GDNF: variants seen among roughly 807,000 people sequenced by gnomAD.
GDNF encodes glial cell line-derived neurotrophic factor.
A neutral mutation model predicts 13.7 loss-of-function variants in GDNF; 5 were observed. The observed-to-expected ratio is 0.36, with a 90% CI of 0.19 to 0.77. The LOEUF (loss-of-function observed/expected upper bound fraction) is 0.77. Ranked by LOEUF, GDNF falls within the 30% of genes least tolerant of loss-of-function variation. The probability of loss-of-function intolerance (pLI) is 0.51; values close to 1 mark genes in which losing one functional copy is unlikely to be tolerated. For missense variants in GDNF, 246 were observed against 274.3 expected (o/e 0.90, Z 0.73); for synonymous variants, 122 against 112.5 (o/e 1.08, Z -0.53).
At position 37,826,833 on chromosome 5, in the gene GDNF, T is replaced by TA. The variant is rs537301525; in HGVS notation, c.151+7812dup. ...CCCTTTTCCAATCCCTCTTTATCCT[T>TA]ACTGAGAGACGGTGTGCTTCTCACC... On this transcript the variant is annotated intron_variant, in intron 2 of 2. Transcript: ENST00000326524. Among the ~76,000 whole-genome samples, 9 of 152,310 alleles carry TA rather than the reference T, an allele frequency of 5.9e-5. No homozygotes were observed. The East Asian group carries it at 1.7e-3, about 29-fold the overall frequency.
chr5:37,824,665 C>T (rs1750244701), intron 2 of GDNF: 1 of 152,328 alleles, frequency 6.6e-6, no homozygotes, highest in South Asian at 2.1e-4. Context: ...GCACTGAATG[C>T]TGATGCATCT....
chr5:37,818,800 C>T (rs1047172252), intron 2 of GDNF, among the ~76,000 whole-genome samples: 16 of 152,130 alleles, frequency 1.1e-4, no homozygotes, highest in African/African-American at 3.9e-4. Context: ...AAATGTCTCC[C>T]ACCCTGTGGC....
intron 2 of GDNF, among the ~76,000 whole-genome samples, chr5:37,825,446 C>T (rs947740454): frequency 1.3e-5 from 2 of 152,180 alleles, no homozygotes; most frequent in Non-Finnish European, 1.5e-5. Flanking sequence ...TTAGCTAATC[C>T]ATGAACACCT....
chr5:37,825,204 A>G (rs891224114), intron 2 of GDNF, among the ~76,000 whole-genome samples: 1 of 152,196 alleles, frequency 6.6e-6, no homozygotes, highest in Non-Finnish European at 1.5e-5. Context: ...ATGGACTGAA[A>G]ATTACTCCAT....
intron 2 of GDNF, among the ~76,000 whole-genome samples, chr5:37,823,767 T>C (rs1561130484): frequency 6.6e-6 from 1 of 152,226 alleles, no homozygotes; most frequent in East Asian, 1.9e-4. Flanking sequence ...CACTTAACCC[T>C]TCTGAGGTCA....
chr5:37,822,528 C>T (rs531548458), intron 2 of GDNF, among the ~76,000 whole-genome samples: 8 of 152,260 alleles, frequency 5.3e-5, no homozygotes, highest in South Asian at 4.1e-4. Context: ...GCTGCACCTG[C>T]GGCTGCCGAG....
At chr5:37,818,004 C>G (rs1749992963) in intron 2 of GDNF, among the ~76,000 whole-genome samples, 1 of 152,214 alleles carries the variant, frequency 6.6e-6, no homozygotes, top group Non-Finnish European at 1.5e-5. Context: ...CTCCTCCAGC[C>G]TTTATTACCT....
At chr5:37,835,447 G>C (rs1317133413) in intron 1 of GDNF, 1 of 1,445,314 alleles carries the variant, frequency 6.9e-7, no homozygotes, top group Non-Finnish European at 9.1e-7. Context: ...ATTCTGTTGC[G>C]AGAGCAAGAA....
At chr5:37,835,921 C>G in intron 1 of GDNF, 1 of 546,470 alleles carries the variant, frequency 1.8e-6, no homozygotes, top group Non-Finnish European at 3.3e-6. Context: ...TTTGGCTTCT[C>G]AATCCTCACA....
chr5:37,834,617 C>T (rs1026703487), intron 2 of GDNF, 29 bp downstream of exon 2: 14 of 1,438,690 alleles, frequency 9.7e-6, no homozygotes, highest in Admixed American at 2.6e-5. Context: ...CCGCCGGCGG[C>T]CCCCCCGCGG....
At chr5:37,821,633 C>T (rs956963957) in intron 2 of GDNF, among the ~76,000 whole-genome samples, 11 of 152,100 alleles carry the variant, frequency 7.2e-5, no homozygotes, top group African/African-American at 2.4e-4. Flanking sequence ...TTGATGTGTT[C>T]TTTGTATAAA....
intron 2 of GDNF, among the ~76,000 whole-genome samples, chr5:37,828,503 G>A (rs1408477086): frequency 6.6e-6 from 1 of 152,182 alleles, no homozygotes; most frequent in African/African-American, 2.4e-5. Flanking sequence ...CTGGAAATCT[G>A]TGTTTCAGGG....
At chr5:37,831,706 G>A (rs530150538) in intron 2 of GDNF, among the ~76,000 whole-genome samples, 4 of 152,190 alleles carry the variant, frequency 2.6e-5, no homozygotes, top group African/African-American at 4.8e-5. Flanking sequence ...TAGGTTTCAG[G>A]ACTAGAGGGG....
chr5:37,828,906 G>A (rs1425879959), intron 2 of GDNF, among the ~76,000 whole-genome samples: 2 of 152,188 alleles, frequency 1.3e-5, no homozygotes, highest in Non-Finnish European at 2.9e-5. Context: ...AAAAATAAAA[G>A]CACAACACCT....
intron 2 of GDNF, 94 bp from the exon 3 acceptor site, chr5:37,816,229 A>T: frequency 7.7e-7 from 1 of 1,301,246 alleles, no homozygotes; most frequent in Middle Eastern, 2.2e-4. Flanking sequence ...GTCAGCAAAA[A>T]TTGGACCCAC....
Position 37,814,319 on chromosome 5 carries a change from G to A in GDNF, c.*1332C>T, listed in dbSNP as rs1194079715. 6.6e-6 allele frequency: 1 copy of A among 152,268 alleles called. No individual in the cohort carries two copies. Among genetic ancestry groups the A allele is most frequent in the East Asian group, 1.9e-4 (1 of 5,196 alleles). The allele number at this position is 152,268 out of a possible 1,614,324, so 9.4% of individuals were successfully genotyped here. ...GAGCTTAAAGACAACAGGAAGTGGA[G>A]CCCACGACATTTCTGTTCAGCAATG... is the stretch of plus-strand genomic sequence containing the variant. On this transcript the variant is annotated 3_prime_UTR_variant, in exon 3 of 3. Coordinates refer to ENST00000326524, the MANE Select transcript of GDNF (RefSeq NM_000514.4).
chr5:37,826,557 C>G (rs1191628736), intron 2 of GDNF, among the ~76,000 whole-genome samples: 1 of 152,190 alleles, frequency 6.6e-6, no homozygotes, highest in African/African-American at 2.4e-5. Flanking sequence ...CTCAAAATGC[C>G]TGACAACTAA....
intron 2 of GDNF, among the ~76,000 whole-genome samples, chr5:37,822,283 G>A (rs1320019967): frequency 3.9e-5 from 6 of 152,198 alleles, no homozygotes; most frequent in African/African-American, 1.4e-4. Context: ...CTTGGCTGAT[G>A]CAGGGGCCCC....
At position 37,813,237 on chromosome 5, in the gene GDNF, G is replaced by A. The variant is rs1749790842; in HGVS notation, c.*2414C>T. ...GAGCAAGGGGAGCAGAAAGGACAGA[G>A]AAGGGCAGAACCATGAAGAATTTGG... On this transcript the variant is annotated 3_prime_UTR_variant, in exon 3 of 3. Coordinates refer to ENST00000326524, the MANE Select transcript of GDNF (RefSeq NM_000514.4). 6.6e-6 allele frequency: 1 copy of A among 152,264 alleles called. No homozygotes were observed. Among genetic ancestry groups the A allele is most frequent in the South Asian group, 2.1e-4 (1 of 4,834 alleles). The allele number at this position is 152,264 out of a possible 1,614,324, so 9.4% of individuals were successfully genotyped here.
Sources: gnomAD v4.1 joint callset for allele counts (sites outside exome capture counted in the v4.1 genomes callset) on GRCh38, gnomAD v4.1.1 for gene constraint, MANE v1.5 for transcripts, NCBI Gene and HGNC (gene_info 2026-07-23, HGNC 2026-07-21) for gene names.